The following PPRC1 variants were observed in gnomAD, a reference collection of about 807,000 sequenced individuals.
PPRC1 encodes PPARG related coactivator 1.
PPRC1 carries 23 observed loss-of-function variants against 132.5 expected under a neutral mutation model. That is an observed-to-expected ratio of 0.17 (90% confidence interval 0.12 to 0.25). The LOEUF (loss-of-function observed/expected upper bound fraction) is 0.25, where lower values mean the gene tolerates loss of function less well. Ranked by LOEUF, PPRC1 falls within the 10% of genes least tolerant of loss-of-function variation. PPRC1 has a pLI of 1.00. For missense variants in PPRC1, 2,006 were observed against 2,089.1 expected (o/e 0.96, Z 0.78); for synonymous variants, 872 against 833.5 (o/e 1.05, Z -0.80).
chr10:102,135,210 CTG>C (rs1411623336), intron 1 of PPRC1, among the ~76,000 whole-genome samples: 1 of 152,130 alleles, frequency 6.6e-6, no homozygotes, highest in Non-Finnish European at 1.5e-5. Context: ...GATGTTAAAA[CTG>C]TGGAAAACCT....
Position 102,139,655 on chromosome 10 carries a change from A to G in PPRC1, c.1147A>G (p.Thr383Ala), listed in dbSNP as rs1590330854. ...RPVLLDDSLE[T>A]SSALQLLMPT... is the part of the protein sequence containing the mutation. ...TGTGCTCCTGGATGACTCGCTAGAGACTAGTTCTGCCTTGCAGCTGCTTAT... is the reference window on the plus strand; with the variant it reads ...TGTGCTCCTGGATGACTCGCTAGAGGCTAGTTCTGCCTTGCAGCTGCTTAT... The change falls in exon 5 of 14, where the codon ACT (threonine) becomes GCT (alanine). Residue 383 changes from threonine (T) to alanine (A), a missense_variant. By Grantham distance (58) the Thr-to-Ala change is moderately conservative. This residue lies in a region of PPRC1 where 1,914 missense variants were observed against 1,917.2 expected (regional missense o/e 1.00). Transcript: ENST00000278070. The G allele has an allele frequency of 6.2e-7, 1 of 1,614,056 alleles. No homozygotes were observed. The highest frequency in any genetic ancestry group is 8.5e-7 in the Non-Finnish European group (1 of 1,180,038).
At position 102,144,271 on chromosome 10, in the gene PPRC1, C is replaced by T. The variant is rs771146169; in HGVS notation, c.3572C>T (p.Pro1191Leu). 24 of 1,614,048 alleles carry T rather than the reference C, an allele frequency of 1.5e-5. No homozygotes were observed. Among genetic ancestry groups the T allele is most frequent in the African/African-American group, 5.3e-5 (4 of 74,928 alleles). ...GCAGCCAAAAAGGAGTGTCCTCCTC[C>T]GGCTCCTGCTGACAGCTTGGCTGTA... ...KSEAKKECPPPAPADSLAVGN... is the reference protein window; with the variant it reads ...KSEAKKECPPLAPADSLAVGN... Residue 1191 changes from proline to leucine, a missense_variant, in exon 7 of 14, where the codon CCG becomes CTG. Around this residue, in one of 2 missense-constraint regions of PPRC1, gnomAD observed 1,914 missense variants for 1,917.2 expected, o/e 1.00. Transcript: ENST00000278070.
chr10:102,121,692 C>A, the PPRC1 span, among the ~76,000 whole-genome samples: 3 of 152,092 alleles, frequency 2.0e-5, no homozygotes, highest in Non-Finnish European at 2.9e-5. Context: ...GCTTTTCTTT[C>A]TTAAGTTTCA....
chr10:102,133,929 G>T (rs1458088350), intron 1 of PPRC1, among the ~76,000 whole-genome samples: 3 of 151,866 alleles, frequency 2.0e-5, no homozygotes, highest in Non-Finnish European at 4.4e-5. Flanking sequence ...TCTCCACTGC[G>T]GATGGTGAAG....
In PPRC1 at chr10:102,141,152, C is replaced by T. The variant is rs976362340; in HGVS notation, c.2644C>T (p.Pro882Ser). 4 of 1,613,934 alleles carry T rather than the reference C, an allele frequency of 2.5e-6. No homozygotes were observed. Among genetic ancestry groups the T allele is most frequent in the Non-Finnish European group, 3.4e-6 (4 of 1,179,924 alleles). ...CTCGATGTCTGCTGCCCTGCCTTTC[C>T]CTGCAGGTGGGCTTGGCATGCCCCC... Reference protein sequence around the residue: ...PPSMSAALPFPAGGLGMPPSL... With the variant: ...PPSMSAALPFSAGGLGMPPSL... Residue 882 changes from proline (P) to serine (S), a missense_variant, in exon 5 of 14, where the codon CCT becomes TCT. This residue lies in a region of PPRC1 where 1,914 missense variants were observed against 1,917.2 expected (regional missense o/e 1.00). Transcript: ENST00000278070.
rs371010227 is a variant in PPRC1, at chr10:102,141,923, C to A, written c.3415C>A (p.Arg1139Ser). 7.4e-6 allele frequency: 12 copies of A among 1,613,980 alleles called. No homozygotes were observed. The highest frequency in any genetic ancestry group is 1.0e-5 in the Non-Finnish European group (12 of 1,180,022). The change falls in exon 5 of 14, where the codon CGT (arginine) becomes AGT (serine). Residue 1139 changes from arginine (R) to serine (S), a missense_variant. Coordinates refer to ENST00000278070, the MANE Select transcript of PPRC1 (RefSeq NM_015062.5). ...CAAGCTGCCTGCTGTCCACCCAGCC[C>A]GTCTAAGGAAGCTGTCCTTCCTGCC... ...VPKLPAVHPA[R>S]LRKLSFLPTP...
At chr10:102,130,926 C>G (rs371325085), upstream of PPRC1, among the ~76,000 whole-genome samples, 451 of 151,464 alleles carry the variant, frequency 3.0e-3, 19 homozygotes, top group South Asian at 0.089. Context: ...GGCGTGGTGG[C>G]TCACCCCTGT....
At chr10:102,120,614 G>GGCGGGCGGCGAGGGGCTGGGA in the PPRC1 span, among the ~76,000 whole-genome samples, 1 of 151,886 alleles carries the variant, frequency 6.6e-6, no homozygotes, top group African/African-American at 2.4e-5. Context: ...CCGCGCGGCG[G>GGCGGGCGGCGAGGGGCTGGGA]GCGGGCGGCG....
upstream of PPRC1, among the ~76,000 whole-genome samples, chr10:102,130,199 G>A (rs1049511814): frequency 2.0e-5 from 3 of 148,636 alleles, no homozygotes; most frequent in Non-Finnish European, 4.5e-5. Context: ...GGCAGATCAC[G>A]AGATCAGGAA....
upstream of PPRC1, among the ~76,000 whole-genome samples, chr10:102,132,569 G>C (rs920644253): frequency 5.3e-5 from 8 of 152,364 alleles, no homozygotes; most frequent in Non-Finnish European, 1.0e-4. Flanking sequence ...TTCCGATTAA[G>C]TTTGCAGTAC....
chr10:102,148,647 C>A lies in PPRC1; in HGVS notation c.4570C>A (p.His1524Asn), dbSNP rs144208253. ...RRRRYSSYRS[H>N]DHYQRQRVLQ... ...TGTCAGGTACAGCTCTTATCGTTCA[C>A]ATGACCATTACCAAAGGCAAAGAGT... The change falls in exon 11 of 14, where the codon CAT becomes AAT. Residue 1524 changes from histidine (H) to asparagine (N), a missense_variant. Transcript: ENST00000278070. The surrounding 1 kb of genome is among the most constrained non-coding windows in gnomAD (Gnocchi z 4.2). 52 of 1,614,058 alleles carry A rather than the reference C, an allele frequency of 3.2e-5. No individual in the cohort carries two copies. The African/African-American group carries it at 6.3e-4, about 19-fold the overall frequency.
the PPRC1 span, among the ~76,000 whole-genome samples, chr10:102,124,710 A>G: frequency 4.7e-5 from 7 of 147,958 alleles, no homozygotes; most frequent in African/African-American, 1.5e-4. Flanking sequence ...TGATATGGTC[A>G]TAGGTAACTG....
At chr10:102,142,909 C>A (rs1023443130) in intron 5 of PPRC1, 136 bp from the exon 6 acceptor site, 3 of 680,324 alleles carry the variant, frequency 4.4e-6, no homozygotes, top group Non-Finnish European at 7.3e-6. Flanking sequence ...ATGCTTTGTG[C>A]TGCTACCTTG....
intron 6 of PPRC1, among the ~76,000 whole-genome samples, chr10:102,143,645 T>G (rs1171887273): frequency 1.3e-5 from 2 of 150,640 alleles, no homozygotes; most frequent in Admixed American, 1.3e-4. Flanking sequence ...TGGGGTTGTT[T>G]AGGGACATTT....
At chr10:102,135,235 A>G (rs1414370982) in intron 1 of PPRC1, among the ~76,000 whole-genome samples, 1 of 152,222 alleles carries the variant, frequency 6.6e-6, no homozygotes, top group Non-Finnish European at 1.5e-5. Flanking sequence ...AATCAGGGAA[A>G]AGTGAAGCCC....
Position 102,139,942 on chromosome 10 carries a change from G to T in PPRC1, c.1434G>T (p.Arg478Ser). The change falls in exon 5 of 14, where the codon AGG (arginine) becomes AGT (serine). Residue 478 changes from arginine (R) to serine (S), a missense_variant. This residue lies in a region of PPRC1 where 1,914 missense variants were observed against 1,917.2 expected (regional missense o/e 1.00). Transcript: ENST00000278070. The stretch of plus-strand genomic sequence containing the variant: ...CCTGTGTGGAAGGCTATGCCAGGAG[G>T]CTGAGGTCATCTTCTCGCGGGCAGT... The part of the protein sequence containing the change: ...PAACVEGYAR[R>S]LRSSSRGQST... The T allele has an allele frequency of 6.2e-7, 1 of 1,614,250 alleles. No homozygotes were observed. Among genetic ancestry groups the T allele is most frequent in the Non-Finnish European group, 8.5e-7 (1 of 1,180,050 alleles).
At chr10:102,145,434 G>T (rs926636009) in intron 8 of PPRC1, among the ~76,000 whole-genome samples, 2 of 152,076 alleles carry the variant, frequency 1.3e-5, no homozygotes, top group African/African-American at 4.8e-5. Flanking sequence ...AGTTGGGCGT[G>T]GTGGTACACG....
Position 102,146,530 on chromosome 10 carries a change from G to T in PPRC1, c.3680-142G>T, listed in dbSNP as rs2069251878. The T allele has an allele frequency of 5.0e-6, 6 of 1,189,678 alleles. 1 individual carries two copies. In the South Asian group the frequency reaches 9.6e-5, roughly 19 times the overall value. The allele number at this position is 1,189,678 out of a possible 1,614,324, so 73.7% of individuals were successfully genotyped here. A position where few individuals can be genotyped will look rare whatever the true frequency, so the allele number is the denominator to read the frequency against. ...GGAACATGGGGAAGGGGCAGTTGAA[G>T]CAGTGGGAAAAGTTGGGCTGCTTAC... is the stretch of plus-strand genomic sequence containing the variant. On this transcript the variant is annotated intron_variant, in intron 8 of 13. Coordinates refer to ENST00000278070, the MANE Select transcript of PPRC1 (RefSeq NM_015062.5).
chr10:102,140,109 A>T lies in PPRC1; in HGVS notation c.1601A>T (p.Asn534Ile). The T allele has an allele frequency of 6.2e-7, 1 of 1,614,264 alleles. No homozygotes were observed. The highest frequency in any genetic ancestry group is 8.5e-7 in the Non-Finnish European group (1 of 1,180,044). The change falls in exon 5 of 14, where the codon AAT becomes ATT. Residue 534 changes from asparagine to isoleucine, a missense_variant. Coordinates refer to ENST00000278070, the MANE Select transcript of PPRC1 (RefSeq NM_015062.5). ...CGGGCCTGGGCAGCTGCCTTGGAGA[A>T]TTCTAGCCCTAAGAACTTGGAGAGA... Reference protein sequence around the residue: ...WARAWAAALENSSPKNLERSA... With the variant: ...WARAWAAALEISSPKNLERSA...
Sources: allele counts gnomAD v4.1 joint callset (sites outside exome capture counted in the v4.1 genomes callset), GRCh38; gene constraint gnomAD v4.1.1; regional missense constraint gnomAD v4.1.1; non-coding constraint Gnocchi (gnomAD v3.1); transcripts MANE v1.5; gene names NCBI Gene and HGNC (gene_info 2026-07-23, HGNC 2026-07-21).